ABCD3: variants seen among roughly 807,000 people sequenced by gnomAD.
The protein encoded by ABCD3 is ATP-binding cassette sub-family D member 3.
ABCD3 carries 41 observed loss-of-function variants against 105.5 expected under a neutral mutation model. The ratio of observed to expected loss-of-function variants is 0.39; its 90% confidence interval spans 0.30 to 0.50. ABCD3 has a LOEUF of 0.50. Ranked by LOEUF, ABCD3 falls within the 20% of genes least tolerant of loss-of-function variation. The pLI, the probability that ABCD3 is intolerant of heterozygous loss-of-function variation, is 0.84. For missense variants in ABCD3, 622 were observed against 806.3 expected (o/e 0.77, Z 2.77); for synonymous variants, 258 against 269.0 (o/e 0.96, Z 0.40).
At position 94,447,299 on chromosome 1, in the gene ABCD3, T is replaced by A. The variant is rs748072340; in HGVS notation, c.111-11308T>A. ...AAGAAAAAATCAGGTAAATAGAGAATGTTAACTGATTTAAGAGCCATTAAT... is the reference window on the plus strand; with the variant it reads ...AAGAAAAAATCAGGTAAATAGAGAAAGTTAACTGATTTAAGAGCCATTAAT... On this transcript the variant is annotated intron_variant, in intron 1 of 22. Transcript: ENST00000370214. 4.1e-4 allele frequency among the ~76,000 whole-genome samples: 62 copies of A among 152,366 alleles called. 1 individual carries two copies. The highest frequency in any genetic ancestry group is 7.3e-4 in the Non-Finnish European group (50 of 68,038).
At chr1:94,415,126 G>A (rs1658974167), upstream of ABCD3, among the ~76,000 whole-genome samples, 1 of 152,148 alleles carries the variant, frequency 6.6e-6, no homozygotes, top group Admixed American at 6.5e-5. Flanking sequence ...AGACACCAAG[G>A]CAGAAGCCAC....
intron 10 of ABCD3, among the ~76,000 whole-genome samples, chr1:94,486,769 C>A (rs574220760): frequency 1.1e-4 from 16 of 152,198 alleles, no homozygotes; most frequent in African/African-American, 3.9e-4. Context: ...ATATAGATAC[C>A]TTAGAAGAAT....
intron 1 of ABCD3, chr1:94,418,809 G>C (rs1012293447): frequency 3.5e-6 from 2 of 577,048 alleles, no homozygotes; most frequent in Non-Finnish European, 6.1e-6. Flanking sequence ...CTCCACCCCG[G>C]GAGTGCGAAT....
intron 21 of ABCD3, among the ~76,000 whole-genome samples, chr1:94,507,765 G>C (rs1650439915): frequency 6.6e-6 from 1 of 150,526 alleles, no homozygotes; most frequent in Admixed American, 6.6e-5. Context: ...TGTTTCATGT[G>C]TTTTTTGGCT....
chr1:94,473,128 A>G (rs1030941210), intron 4 of ABCD3, among the ~76,000 whole-genome samples: 10 of 152,158 alleles, frequency 6.6e-5, no homozygotes, highest in African/African-American at 2.4e-4. Flanking sequence ...GCTCTGATCT[A>G]TGCGTTAGTC....
chr1:94,495,232 TATG>T (rs1649739682), intron 16 of ABCD3, among the ~76,000 whole-genome samples: 1 of 152,214 alleles, frequency 6.6e-6, no homozygotes, highest in South Asian at 2.1e-4. Flanking sequence ...TTTTATTTGT[TATG>T]ATAAATTTAT....
the ABCD3 span, among the ~76,000 whole-genome samples, chr1:94,404,934 T>G: frequency 8.0e-5 from 11 of 137,828 alleles, no homozygotes; most frequent in East Asian, 1.2e-3. Context: ...GCGAGACCCA[T>G]CTCGAAAAAA....
intron 1 of ABCD3, among the ~76,000 whole-genome samples, chr1:94,432,179 C>A (rs1447259924): frequency 6.6e-6 from 1 of 152,128 alleles, no homozygotes; most frequent in Non-Finnish European, 1.5e-5. Context: ...CTTTGAGATA[C>A]CAAATTAAAT....
At chr1:94,417,857 G>A (rs1295487202), upstream of ABCD3, among the ~76,000 whole-genome samples, 6 of 152,192 alleles carry the variant, frequency 3.9e-5, no homozygotes, top group Non-Finnish European at 8.8e-5. Flanking sequence ...GAAAATACTG[G>A]CTTGGAAAAA....
At chr1:94,409,286 T>C in the ABCD3 span, among the ~76,000 whole-genome samples, 2 of 152,210 alleles carry the variant, frequency 1.3e-5, no homozygotes, top group Non-Finnish European at 2.9e-5. Context: ...TACCCTGAAG[T>C]GATTATTATG....
chr1:94,435,454 C>T (rs1358573023), intron 1 of ABCD3, among the ~76,000 whole-genome samples: 4 of 152,052 alleles, frequency 2.6e-5, no homozygotes, highest in Non-Finnish European at 5.9e-5. Context: ...ATCACTTCAG[C>T]CTAGGAGATT....
At chr1:94,467,200 C>G (rs1469815058) in intron 3 of ABCD3, among the ~76,000 whole-genome samples, 1 of 152,164 alleles carries the variant, frequency 6.6e-6, no homozygotes, top group Non-Finnish European at 1.5e-5. Context: ...TGATTTTAAT[C>G]CCTTTTTTCC....
At chr1:94,409,747 C>T in the ABCD3 span, among the ~76,000 whole-genome samples, 1 of 152,174 alleles carries the variant, frequency 6.6e-6, no homozygotes, top group Admixed American at 6.5e-5. Flanking sequence ...CATAGTGGTA[C>T]AGAATCCAGA....
chr1:94,403,465 G>A, the ABCD3 span, among the ~76,000 whole-genome samples: 103 of 152,184 alleles, frequency 6.8e-4, 1 homozygote, highest in Admixed American at 3.3e-3. Context: ...CCTAGCTTTG[G>A]CACCCATTGA....
chr1:94,428,772 T>C (rs1293578865), intron 1 of ABCD3, among the ~76,000 whole-genome samples: 2 of 152,158 alleles, frequency 1.3e-5, no homozygotes, highest in Non-Finnish European at 2.9e-5. Flanking sequence ...CTTTTTTTTT[T>C]GTAAAGTGCC....
At chr1:94,448,065 A>G (rs1660425072) in intron 1 of ABCD3, among the ~76,000 whole-genome samples, 1 of 152,308 alleles carries the variant, frequency 6.6e-6, no homozygotes, top group Middle Eastern at 3.4e-3. Context: ...AAGACTCTAG[A>G]TTTGCCAGTT....
At chr1:94,505,046 G>A (rs1650282464) in intron 20 of ABCD3, among the ~76,000 whole-genome samples, 1 of 152,146 alleles carries the variant, frequency 6.6e-6, no homozygotes, top group African/African-American at 2.4e-5. Flanking sequence ...TTCATTTGCT[G>A]AAGTGTTCAA....
chr1:94,434,031 T>A (rs1659798018), intron 1 of ABCD3, among the ~76,000 whole-genome samples: 1 of 152,166 alleles, frequency 6.6e-6, no homozygotes, highest in African/African-American at 2.4e-5. Flanking sequence ...TAAGGTGTAG[T>A]TACCATGAAT....
At chr1:94,408,321 G>C in the ABCD3 span, among the ~76,000 whole-genome samples, 1 of 152,052 alleles carries the variant, frequency 6.6e-6, no homozygotes, top group Non-Finnish European at 1.5e-5. Flanking sequence ...GATGGCTCAT[G>C]CCTGTCATTC....
Sources: gnomAD v4.1 joint callset for allele counts (sites outside exome capture counted in the v4.1 genomes callset) on GRCh38, gnomAD v4.1.1 for gene constraint, MANE v1.5 for transcripts, NCBI Gene and HGNC (gene_info 2026-07-23, HGNC 2026-07-21) for gene names.